The following IL12RB1 variants were observed in gnomAD, a reference collection of about 807,000 sequenced individuals.
The protein encoded by IL12RB1 is interleukin 12 receptor subunit beta 1.
In IL12RB1, 64 loss-of-function variants were observed where a neutral mutation model predicts 94.4. The ratio of observed to expected loss-of-function variants is 0.68; its 90% confidence interval spans 0.55 to 0.83. IL12RB1 has a LOEUF of 0.83. IL12RB1 is among the 40% of genes least tolerant of loss of function. IL12RB1 has a pLI of 0.00. For synonymous variants in IL12RB1, 362 were observed against 355.5 expected, an observed-to-expected ratio of 1.02 and a Z score of -0.21; for missense variants, 814 against 855.6, an observed-to-expected ratio of 0.95 and a Z score of 0.61.
chr19:18,093,230 C>G (rs753371041), intron 1 of IL12RB1, among the ~76,000 whole-genome samples: 1 of 151,748 alleles, frequency 6.6e-6, no homozygotes, highest in Non-Finnish European at 1.5e-5. Flanking sequence ...TGCTTGAATC[C>G]AGGAGGCGGA....
chr19:18,089,044 C>A (rs1162519706), upstream of IL12RB1, among the ~76,000 whole-genome samples: 2 of 145,838 alleles, frequency 1.4e-5, no homozygotes, highest in African/African-American at 2.5e-5. Context: ...AAAAAAAAAA[C>A]ACACATACAC....
intron 6 of IL12RB1, 40 bp from the exon 7 acceptor site, chr19:18,075,908 T>A (rs1192079255): frequency 6.2e-7 from 1 of 1,605,892 alleles, no homozygotes; most frequent in South Asian, 1.1e-5. Flanking sequence ...GTAAGAATTG[T>A]CCAGGACTTG....
rs369830496 is a variant in IL12RB1 at position 18,080,932 on chromosome 19, A to C, written c.309T>G (p.Ala103=). 6.2e-7 allele frequency: 1 copy of C among 1,614,026 alleles called. No homozygotes were observed. The highest frequency in any genetic ancestry group is 1.3e-5 in the African/African-American group (1 of 75,052). The change falls in exon 4 of 17, where the codon GCT becomes GCG. Residue 103 remains alanine, a synonymous_variant. Coordinates refer to ENST00000593993, the MANE Select transcript of IL12RB1 (RefSeq NM_005535.3). The part of the protein sequence containing the change: ...SATRLQFSDQ[A]GVSVLYTVTL... ...TGACAGTGTACAGCACAGACACCCC[A>C]GCCTGGTCGGAGAACTGCAGCCTGG...
At chr19:18,082,514 T>C (rs1395058478) in intron 2 of IL12RB1, among the ~76,000 whole-genome samples, 1 of 152,056 alleles carries the variant, frequency 6.6e-6, no homozygotes, top group African/African-American at 2.4e-5. Flanking sequence ...CTGGTGTTTT[T>C]TTTTGGGGGG....
At chr19:18,084,426 C>T (rs896261867) in intron 1 of IL12RB1, among the ~76,000 whole-genome samples, 1 of 151,238 alleles carries the variant, frequency 6.6e-6, no homozygotes, top group African/African-American at 2.4e-5. Flanking sequence ...ATCCATCCAT[C>T]CATCCCACCA....
chr19:18,085,697 C>T (rs1228259515), intron 1 of IL12RB1, among the ~76,000 whole-genome samples: 1 of 152,072 alleles, frequency 6.6e-6, no homozygotes, highest in African/African-American at 2.4e-5. Flanking sequence ...GCAACCTCTG[C>T]CTCCTGGGTT....
intron 12 of IL12RB1, among the ~76,000 whole-genome samples, chr19:18,064,769 C>T (rs976437199): frequency 4.6e-5 from 7 of 152,164 alleles, no homozygotes; most frequent in African/African-American, 1.2e-4. Context: ...CCACCGCGTC[C>T]GGCTGACTTG....
At position 18,077,539 on chromosome 19, in the gene IL12RB1, T is replaced by C. The variant is rs1219204158; in HGVS notation, c.526A>G (p.Thr176Ala). 6.2e-7 allele frequency: 1 copy of C among 1,612,092 alleles called. No individual in the cohort carries two copies. ...VGAEVQFRHRTPSSPWKLGDC... is the reference protein window; with the variant it reads ...VGAEVQFRHRAPSSPWKLGDC... The stretch of plus-strand genomic sequence containing the variant: ...ACCAACTTCCATGGGCTGCTGGGTG[T>C]CCGGTGCCGGAACTGCACCTCAGCA... Residue 176 changes from threonine to alanine, a missense_variant, in exon 5 of 17, where the codon ACA (threonine) becomes GCA (alanine). By Grantham distance (58) the Thr-to-Ala change is moderately conservative (BLOSUM62 0). Coordinates refer to ENST00000593993, the MANE Select transcript of IL12RB1 (RefSeq NM_005535.3).
chr19:18,087,906 T>C (rs995400542), upstream of IL12RB1, among the ~76,000 whole-genome samples: 3 of 151,846 alleles, frequency 2.0e-5, no homozygotes, highest in African/African-American at 7.3e-5. Context: ...TCCAACAAAT[T>C]GTTACAAAGA....
chr19:18,084,121 A>C (rs2036136900), intron 1 of IL12RB1, among the ~76,000 whole-genome samples: 1 of 149,838 alleles, frequency 6.7e-6, no homozygotes, highest in South Asian at 2.1e-4. Flanking sequence ...CCACGCATCT[A>C]CCCATCCATC....
chr19:18,061,745 C>G (rs185544334), intron 14 of IL12RB1, among the ~76,000 whole-genome samples: 200 of 152,100 alleles, frequency 1.3e-3, no homozygotes, highest in Non-Finnish European at 1.7e-3. Flanking sequence ...CACCTGTAGT[C>G]CCAGCTACTT....
upstream of IL12RB1, among the ~76,000 whole-genome samples, chr19:18,089,249 T>C (rs1434350352): frequency 6.6e-6 from 1 of 152,092 alleles, no homozygotes; most frequent in Non-Finnish European, 1.5e-5. Context: ...TTTGGGGTGA[T>C]GCAAATGTTC....
intron 5 of IL12RB1, among the ~76,000 whole-genome samples, chr19:18,077,259 G>A (rs1325949755): frequency 6.6e-6 from 1 of 152,100 alleles, no homozygotes; most frequent in Admixed American, 6.6e-5. Context: ...CTACTCGGGA[G>A]GCTGACGCAG....
In IL12RB1 at chr19:18,085,822, T is replaced by C. The variant is rs150227473; in HGVS notation, c.64+938A>G. 7.7e-3 allele frequency among the ~76,000 whole-genome samples: 1,166 copies of C among 152,106 alleles called. 16 individuals carry two copies. The highest frequency in any genetic ancestry group is 0.026 in the African/African-American group (1,069 of 41,524). ...TGGGGTTTCACCATGTTAGCCAGGCTGGTCTCGAACTCCTGACCTCAAGTG... is the reference window on the plus strand; with the variant it reads ...TGGGGTTTCACCATGTTAGCCAGGCCGGTCTCGAACTCCTGACCTCAAGTG... On this transcript the variant is annotated intron_variant, in intron 1 of 16. Transcript: ENST00000593993.
intron 12 of IL12RB1, among the ~76,000 whole-genome samples, chr19:18,065,284 C>T (rs556046324): frequency 6.6e-6 from 1 of 152,304 alleles, no homozygotes; most frequent in African/African-American, 2.4e-5. Context: ...TTAGTTTCCT[C>T]ATCTGTGGAA....
intron 1 of IL12RB1, among the ~76,000 whole-genome samples, chr19:18,085,330 A>G (rs1015767191): frequency 6.1e-5 from 9 of 146,406 alleles, no homozygotes; most frequent in East Asian, 2.1e-4. Flanking sequence ...GATGACACAG[A>G]ACCCCCACCC....
intron 1 of IL12RB1, chr19:18,097,732 G>A: frequency 8.8e-7 from 1 of 1,135,692 alleles, no homozygotes; most frequent in Non-Finnish European, 1.1e-6. Context: ...GCACCTGGCG[G>A]CGGGGCCTGG....
rs373077188 is a variant in IL12RB1 at position 18,066,650 on chromosome 19, A to G, written c.1375T>C (p.Leu459=). 3.1e-6 allele frequency: 5 copies of G among 1,611,474 alleles called. No individual in the cohort carries two copies. Among genetic ancestry groups the G allele is most frequent in the Non-Finnish European group, 3.4e-6 (4 of 1,177,898 alleles). The change falls in exon 12 of 17, where the codon TTG becomes CTG. Residue 459 remains leucine (L), a synonymous_variant. Transcript: ENST00000593993. ...GCCCAGTCCACAGACACAGAGTCCA[A>G]GCTATGATTCTTCACCGAGACGTGG... ...PHHVSVKNHS[L]DSVSVDWAPS...
At chr19:18,076,266 C>T (rs768599356) in intron 6 of IL12RB1, 31 bp downstream of exon 6, 5 of 1,182,702 alleles carry the variant, frequency 4.2e-6, no homozygotes, top group South Asian at 1.2e-5. Flanking sequence ...TTTGCTGCAG[C>T]TGTTGTTGTC....
Sources: allele counts gnomAD v4.1 joint callset (sites outside exome capture counted in the v4.1 genomes callset), GRCh38; gene constraint gnomAD v4.1.1; transcripts MANE v1.5; gene names NCBI Gene and HGNC (gene_info 2026-07-23, HGNC 2026-07-21).